Variants in LIMD1 observed in about 807,000 individuals in gnomAD.
The protein encoded by LIMD1 is LIM domain containing 1.
In LIMD1, 23 loss-of-function variants were observed where a neutral mutation model predicts 58.4. That is an observed-to-expected ratio of 0.39 (90% CI 0.28 to 0.56). LIMD1 has a LOEUF of 0.56. Among genes scored for constraint, LIMD1 ranks in the 20% least tolerant of loss-of-function variants. LIMD1 has a pLI of 0.57. For synonymous variants in LIMD1, 334 were observed against 345.5 expected (o/e 0.97, Z 0.37); for missense variants, 838 against 855.5 (o/e 0.98, Z 0.25).
At chr3:45,638,164 A>C (rs1372399938) in intron 2 of LIMD1, among the ~76,000 whole-genome samples, 4 of 3,122 alleles carry the variant, frequency 1.3e-3, no homozygotes. Flanking sequence ...TGGTTCTTTG[A>C]ATTCTCCCCA....
At chr3:45,598,972 G>A (rs529302913) in intron 1 of LIMD1, among the ~76,000 whole-genome samples, 18 of 152,212 alleles carry the variant, frequency 1.2e-4, no homozygotes, top group South Asian at 8.3e-4. Context: ...ATGAGAAAAC[G>A]GAAGCTCAGG....
In LIMD1 at chr3:45,684,303, CA is replaced by C. The variant is rs1697781858; in HGVS notation, c.*7245del. 6.6e-6 allele frequency: 1 copy of C among 152,202 alleles called. No individual in the cohort carries two copies. The highest frequency in any genetic ancestry group is 2.4e-5 in the African/African-American group (1 of 41,436). 9.4% of individuals were successfully genotyped at this position (152,202 alleles called of 1,614,324 possible). A position where few individuals can be genotyped will look rare whatever the true frequency, so the allele number is the denominator to read the frequency against. On this transcript the variant is annotated 3_prime_UTR_variant, in exon 8 of 8. Transcript: ENST00000273317. ...AGGTGGTTCTGGGCCCTGTGTTGCC[CA>C]TGAGACTTGGTCCACGGCAAGCCTG...
intron 2 of LIMD1, among the ~76,000 whole-genome samples, chr3:45,645,738 C>A (rs1701898591): frequency 2.6e-5 from 4 of 152,068 alleles, no homozygotes; most frequent in African/African-American, 7.3e-5. Context: ...TTTCTGTGGC[C>A]CTCTCATCTC....
intron 5 of LIMD1, among the ~76,000 whole-genome samples, chr3:45,673,031 T>TG (rs1477053057): frequency 6.8e-6 from 1 of 148,148 alleles, no homozygotes; most frequent in Non-Finnish European, 1.5e-5. Context: ...TCATGTTTAG[T>TG]GAAAAAAAAA....
chr3:45,664,472 C>A (rs1356018910), intron 2 of LIMD1, among the ~76,000 whole-genome samples: 1 of 152,190 alleles, frequency 6.6e-6, no homozygotes, highest in Non-Finnish European at 1.5e-5. Flanking sequence ...GTAGCATATA[C>A]TCAGAGTATT....
At chr3:45,627,619 C>T (rs1701678881) in intron 1 of LIMD1, among the ~76,000 whole-genome samples, 3 of 149,732 alleles carry the variant, frequency 2.0e-5, no homozygotes, top group Middle Eastern at 3.4e-3. Context: ...AGCGAGAACC[C>T]GTCTCTTTTT....
At chr3:45,658,086 A>G (rs1200896248) in intron 2 of LIMD1, among the ~76,000 whole-genome samples, 1 of 152,212 alleles carries the variant, frequency 6.6e-6, no homozygotes, top group East Asian at 1.9e-4. Context: ...TATATGTGAA[A>G]GCCCTAAACA....
At chr3:45,664,603 A>G (rs1045651009) in intron 2 of LIMD1, among the ~76,000 whole-genome samples, 1 of 152,150 alleles carries the variant, frequency 6.6e-6, no homozygotes, top group Non-Finnish European at 1.5e-5. Context: ...TTCCTTTTTT[A>G]TGCCTTTTCC....
intron 1 of LIMD1, among the ~76,000 whole-genome samples, chr3:45,611,133 T>C (rs574011642): frequency 1.6e-4 from 24 of 152,358 alleles, no homozygotes; most frequent in African/African-American, 5.8e-4. Context: ...CTCAAAAGCA[T>C]GGAAGCGTCT....
At chr3:45,674,680 AG>A in intron 7 of LIMD1, 2 of 363,542 alleles carry the variant, frequency 5.5e-6, no homozygotes, top group South Asian at 1.1e-4. Context: ...CAGAGCTAGG[AG>A]GGTCGTGGAG....
At position 45,648,837 on chromosome 3, in the gene LIMD1, A is replaced by G. The variant is rs548597024; in HGVS notation, c.1510+12586A>G. Among the ~76,000 whole-genome samples the G allele has an allele frequency of 2.0e-5, 3 of 152,302 alleles. 1 individual carries two copies. In the South Asian group the frequency reaches 6.2e-4, roughly 32 times the overall value. ...TTCCTGATGATTAATGATGTTGAGC[A>G]TCTTTTCATACATTTATTGGCCATT... On this transcript the variant is annotated intron_variant, in intron 2 of 7. Coordinates refer to ENST00000273317, the MANE Select transcript of LIMD1 (RefSeq NM_014240.3).
intron 2 of LIMD1, among the ~76,000 whole-genome samples, chr3:45,654,478 G>A (rs1011723922): frequency 9.9e-5 from 15 of 152,024 alleles, no homozygotes; most frequent in Admixed American, 2.6e-4. Context: ...AAACTACACC[G>A]GCTTTATCAG....
At chr3:45,616,441 G>T (rs994365251) in intron 1 of LIMD1, among the ~76,000 whole-genome samples, 3 of 152,120 alleles carry the variant, frequency 2.0e-5, no homozygotes, top group South Asian at 2.1e-4. Context: ...ACAAAACCGG[G>T]TCACATCCCT....
chr3:45,655,393 A>G (rs1043050854), intron 2 of LIMD1, among the ~76,000 whole-genome samples: 9 of 152,228 alleles, frequency 5.9e-5, no homozygotes. Flanking sequence ...TTCTGAAACT[A>G]GAATTATAAA....
At chr3:45,641,405 C>G (rs34355059) in intron 2 of LIMD1, among the ~76,000 whole-genome samples, 1 of 151,698 alleles carries the variant, frequency 6.6e-6, no homozygotes, top group South Asian at 2.1e-4. Context: ...TCTGAACATA[C>G]TTGTATATGT....
At chr3:45,674,244 C>T in intron 6 of LIMD1, 99 bp from the exon 7 acceptor site, 1 of 734,730 alleles carries the variant, frequency 1.4e-6, no homozygotes, top group Admixed American at 2.1e-5. Context: ...CTACTTGTTA[C>T]CCCCAAAACC....
At chr3:45,646,024 T>A (rs1366307303) in intron 2 of LIMD1, among the ~76,000 whole-genome samples, 1 of 139,240 alleles carries the variant, frequency 7.2e-6, no homozygotes, top group Non-Finnish European at 1.6e-5. Context: ...AGCGAGACTC[T>A]GTCTCAAAAA....
chr3:45,610,770 G>A (rs373310851), intron 1 of LIMD1, among the ~76,000 whole-genome samples: 5 of 152,148 alleles, frequency 3.3e-5, no homozygotes, highest in East Asian at 1.9e-4. Context: ...TGTCCAGTAC[G>A]GGAGACTGGC....
At chr3:45,674,263 T>A in intron 6 of LIMD1, 80 bp from the exon 7 acceptor site, 12 of 1,042,642 alleles carry the variant, frequency 1.2e-5, no homozygotes, top group Non-Finnish European at 1.8e-5. Flanking sequence ...CCCTCTTCCC[T>A]CCCCACCCCA....
Sources: gnomAD v4.1 joint callset for allele counts (sites outside exome capture counted in the v4.1 genomes callset) on GRCh38, gnomAD v4.1.1 for gene constraint, MANE v1.5 for transcripts, NCBI Gene and HGNC (gene_info 2026-07-23, HGNC 2026-07-21) for gene names.